The following NEK1 variants were observed in gnomAD, a reference collection of about 807,000 sequenced individuals.
The protein encoded by NEK1 is NIMA related kinase 1, also known as serine/threonine-protein kinase Nek1.
A neutral mutation model predicts 182.1 loss-of-function variants in NEK1; 137 were observed. The ratio of observed to expected loss-of-function variants is 0.75; its 90% CI spans 0.65 to 0.87. NEK1 has a LOEUF of 0.87. NEK1 is among the 40% of genes least tolerant of loss of function. The probability of loss-of-function intolerance (pLI) is 0.00; values close to 1 mark genes in which losing one functional copy is unlikely to be tolerated. For missense variants in NEK1, 1,391 were observed against 1,494.4 expected, an observed-to-expected ratio of 0.93 and a Z score of 1.14; for synonymous variants, 513 against 492.2, an observed-to-expected ratio of 1.04 and a Z score of -0.56.
At chr4:169,400,122 A>C in intron 35 of NEK1, 103 bp downstream of exon 35, 1 of 1,109,952 alleles carries the variant, frequency 9.0e-7, no homozygotes, top group Non-Finnish European at 1.3e-6. Flanking sequence ...GTTCCCAAGT[A>C]GATTTCACAA....
intron 26 of NEK1, among the ~76,000 whole-genome samples, chr4:169,468,551 A>G (rs962525888): frequency 2.6e-5 from 4 of 152,210 alleles, no homozygotes; most frequent in Admixed American, 1.3e-4. Flanking sequence ...AAGGTATACC[A>G]ATGTCTGCAA....
chr4:169,498,677 T>G (rs966979694), intron 23 of NEK1, among the ~76,000 whole-genome samples: 2 of 152,180 alleles, frequency 1.3e-5, no homozygotes, highest in Non-Finnish European at 2.9e-5. Flanking sequence ...TTAGTTTGGC[T>G]GGATATGAAA....
chr4:169,524,380 G>C (rs1313468543), intron 19 of NEK1, among the ~76,000 whole-genome samples: 1 of 146,354 alleles, frequency 6.8e-6, no homozygotes, highest in Non-Finnish European at 1.5e-5. Flanking sequence ...AGAATTGCTT[G>C]AACCCAGGAG....
chr4:169,498,839 T>G lies in NEK1; in HGVS notation c.2007+8198A>C, dbSNP rs565326651. ...CTTTCTCTCTGGCTGCCCTTAACAT[T>G]TTTTCCTTCATTTCAACTTTGGTGA... On this transcript the variant is annotated intron_variant, in intron 23 of 35. Coordinates refer to ENST00000507142, the MANE Select transcript of NEK1 (RefSeq NM_001199397.3). Among the ~76,000 whole-genome samples, 120 of 152,320 alleles carry G rather than the reference T, an allele frequency of 7.9e-4. 5 individuals carry two copies. The South Asian group carries it at 0.024, about 31-fold the overall frequency.
At chr4:169,408,322 A>T (rs904284890) in intron 31 of NEK1, among the ~76,000 whole-genome samples, 3 of 152,282 alleles carry the variant, frequency 2.0e-5, no homozygotes, top group African/African-American at 7.2e-5. Context: ...CACTAATCTG[A>T]CAGCTATCAA....
chr4:169,608,496 T>C (rs942265740), intron 2 of NEK1, among the ~76,000 whole-genome samples: 2 of 152,132 alleles, frequency 1.3e-5, no homozygotes, highest in African/African-American at 2.4e-5. Flanking sequence ...AAATAAAACA[T>C]GGGAGAATGA....
At position 169,612,258 on chromosome 4, in the gene NEK1, T is replaced by G. The variant is rs1473548738; in HGVS notation, c.-209A>C. On this transcript the variant is annotated 5_prime_UTR_variant, in exon 1 of 36. Transcript: ENST00000507142. ...CTTCAGTTGATACCACGGGTTTGAC[T>G]CCGTCCTGTCTCGGGCGACGCCCGT... The G allele has an allele frequency of 1.3e-5, 2 of 152,260 alleles. No homozygotes were observed. The highest frequency in any genetic ancestry group is 4.8e-5 in the African/African-American group (2 of 41,444). 9.4% of individuals were successfully genotyped at this position (152,260 alleles called of 1,614,324 possible). A position where few individuals can be genotyped will look rare whatever the true frequency, so the allele number is the denominator to read the frequency against.
chr4:169,568,030 C>T (rs144986677), intron 12 of NEK1, among the ~76,000 whole-genome samples: 8 of 152,318 alleles, frequency 5.3e-5, no homozygotes, highest in African/African-American at 1.7e-4. Context: ...ACAGATTATA[C>T]ACTTGGCTAC....
chr4:169,432,970 G>C (rs1209998094), intron 29 of NEK1, among the ~76,000 whole-genome samples: 1 of 151,490 alleles, frequency 6.6e-6, no homozygotes, highest in East Asian at 1.9e-4. Context: ...TTGCCATGTT[G>C]GCCAGGTTGG....
chr4:169,420,195 C>T (rs1226124316), intron 31 of NEK1, among the ~76,000 whole-genome samples: 1 of 152,204 alleles, frequency 6.6e-6, no homozygotes, highest in Admixed American at 6.5e-5. Flanking sequence ...CTGTCTTCCA[C>T]CTCCAATCTA....
At chr4:169,460,622 T>C (rs1743795331) in intron 27 of NEK1, among the ~76,000 whole-genome samples, 1 of 151,812 alleles carries the variant, frequency 6.6e-6, no homozygotes, top group Admixed American at 6.6e-5. Flanking sequence ...ACTAGAAAAA[T>C]AAACTCAATG....
intron 23 of NEK1, among the ~76,000 whole-genome samples, chr4:169,481,677 T>A (rs925141117): frequency 2.9e-4 from 44 of 152,296 alleles, no homozygotes; most frequent in African/African-American, 1.0e-3. Context: ...TGTGCAGTCA[T>A]CCAGGCTTTA....
intron 2 of NEK1, among the ~76,000 whole-genome samples, chr4:169,611,718 T>C (rs1026318006): frequency 6.6e-6 from 1 of 152,214 alleles, no homozygotes; most frequent in Admixed American, 6.5e-5. Context: ...CTAATTAAAA[T>C]TTATCAGTAA....
intron 5 of NEK1, among the ~76,000 whole-genome samples, chr4:169,592,171 AAT>A (rs569609984): frequency 6.3e-4 from 96 of 152,316 alleles, no homozygotes; most frequent in African/African-American, 2.2e-3. Context: ...CATTTGTCAA[AAT>A]ATGTGAAAAT....
At chr4:169,472,343 G>A (rs188587001) in intron 26 of NEK1, among the ~76,000 whole-genome samples, 2 of 152,198 alleles carry the variant, frequency 1.3e-5, no homozygotes, top group Admixed American at 1.3e-4. Flanking sequence ...AGATAGCACC[G>A]TCCCTCACGG....
intron 27 of NEK1, among the ~76,000 whole-genome samples, chr4:169,460,197 A>C (rs751491507): frequency 1.3e-5 from 2 of 152,060 alleles, no homozygotes; most frequent in Non-Finnish European, 2.9e-5. Flanking sequence ...CATGCTGCTG[A>C]TAAGGACATG....
chr4:169,488,336 G>A (rs866196110), intron 23 of NEK1, among the ~76,000 whole-genome samples: 3 of 151,994 alleles, frequency 2.0e-5, no homozygotes, highest in Admixed American at 6.6e-5. Context: ...TCCATCTTGC[G>A]TTAACTTTTG....
intron 27 of NEK1, among the ~76,000 whole-genome samples, chr4:169,459,542 T>C (rs1178823415): frequency 4.6e-5 from 7 of 152,190 alleles, no homozygotes; most frequent in Admixed American, 1.3e-4. Context: ...CCCAAATGAA[T>C]TGAAAACTTA....
intron 23 of NEK1, among the ~76,000 whole-genome samples, chr4:169,494,497 T>C (rs1274492027): frequency 2.0e-5 from 3 of 152,236 alleles, no homozygotes; most frequent in East Asian, 1.9e-4. Flanking sequence ...CAGTCTATCA[T>C]TGTTGGACAT....
Sources: allele counts gnomAD v4.1 joint callset (sites outside exome capture counted in the v4.1 genomes callset), GRCh38; gene constraint gnomAD v4.1.1; transcripts MANE v1.5; gene names NCBI Gene and HGNC (gene_info 2026-07-23, HGNC 2026-07-21).